Variants in PHF3 observed in about 807,000 individuals in gnomAD.
PHF3 encodes the protein PHD finger protein 3.
In PHF3, 41 loss-of-function variants were observed where a neutral mutation model predicts 178.4. That is an observed-to-expected ratio of 0.23 (90% CI 0.18 to 0.30). The LOEUF (loss-of-function observed/expected upper bound fraction) is 0.30. PHF3 is among the 10% of genes least tolerant of loss of function. The pLI, the probability that PHF3 is intolerant of heterozygous loss-of-function variation, is 1.00. For synonymous variants in PHF3, 842 were observed against 800.5 expected (o/e 1.05, Z -0.88); for missense variants, 2,346 against 2,398.1 (o/e 0.98, Z 0.45).
chr6:63,692,679 T>TA (rs1313592459), intron 5 of PHF3, among the ~76,000 whole-genome samples: 2 of 152,236 alleles, frequency 1.3e-5, no homozygotes, highest in African/African-American at 2.4e-5. Context: ...ACATGAATCT[T>TA]AGAGTTGGAG....
Position 63,720,505 on chromosome 6 carries a change from CAGTT to C in PHF3, c.*6798_*6801del. On this transcript the variant is annotated 3_prime_UTR_variant, in exon 16 of 16. Coordinates refer to ENST00000262043, the MANE Select transcript of PHF3 (RefSeq NM_001370348.2). ...AGACTATTTCAGGTAATATAGTAAA[CAGTT>C]GATTCCCCGTAAGCAATGTATCAAA... 1 of 897,820 alleles carries C rather than the reference CAGTT, an allele frequency of 1.1e-6. No homozygotes were observed. The highest frequency in any genetic ancestry group is 1.6e-6 in the Non-Finnish European group (1 of 613,398). 55.6% of individuals were successfully genotyped at this position (897,820 alleles called of 1,614,324 possible).
At chr6:63,699,153 T>C (rs1450412760) in intron 8 of PHF3, among the ~76,000 whole-genome samples, 1 of 152,204 alleles carries the variant, frequency 6.6e-6, no homozygotes, top group East Asian at 1.9e-4. Context: ...TTTCATGTTT[T>C]GGACAGAGGA....
Position 63,711,826 on chromosome 6 carries a change from C to T in PHF3, c.4238C>T (p.Pro1413Leu). The T allele has an allele frequency of 6.2e-7, 1 of 1,613,958 alleles. No individual in the cohort carries two copies. Among genetic ancestry groups the T allele is most frequent in the Non-Finnish European group, 8.5e-7 (1 of 1,179,910 alleles). Residue 1413 changes from proline (P) to leucine (L), a missense_variant, in exon 16 of 16, where the codon CCT becomes CTT. Transcript: ENST00000262043. ...TTVLHKQRNKPQQNLQEDLPT... is the reference protein window; with the variant it reads ...TTVLHKQRNKLQQNLQEDLPT... Reference sequence around the variant, plus strand: ...GTATTACACAAGCAGAGAAATAAACCTCAGCAGAATCTTCAGGAAGACCTT... The same window carrying T: ...GTATTACACAAGCAGAGAAATAAACTTCAGCAGAATCTTCAGGAAGACCTT...
At chr6:63,682,710 A>C (rs996969082) in intron 3 of PHF3, among the ~76,000 whole-genome samples, 3 of 152,132 alleles carry the variant, frequency 2.0e-5, no homozygotes, top group African/African-American at 4.8e-5. Context: ...AAACTAAGGC[A>C]GGTAATATTT....
chr6:63,720,751 T>C lies in PHF3; in HGVS notation c.*7043T>C. 1.3e-6 allele frequency: 2 copies of C among 1,550,416 alleles called. No individual in the cohort carries two copies. The highest frequency in any genetic ancestry group is 1.7e-6 in the Non-Finnish European group (2 of 1,146,320). Reference sequence around the variant, plus strand: ...TCTTGAGTAACGATATTTACCTTTCTACCATATTCAAAGCCCCCTAGATAA... The same window carrying C: ...TCTTGAGTAACGATATTTACCTTTCCACCATATTCAAAGCCCCCTAGATAA... On this transcript the variant is annotated 3_prime_UTR_variant, in exon 16 of 16. Coordinates refer to ENST00000262043, the MANE Select transcript of PHF3 (RefSeq NM_001370348.2).
Position 63,719,642 on chromosome 6 carries a change from C to CA in PHF3, c.*5936dup, listed in dbSNP as rs569715325. Among the ~76,000 whole-genome samples, 13 of 152,178 alleles carry CA rather than the reference C, an allele frequency of 8.5e-5. No individual in the cohort carries two copies. In the South Asian group the frequency reaches 2.7e-3, roughly 32 times the overall value. On this transcript the variant is annotated 3_prime_UTR_variant, in exon 16 of 16. Transcript: ENST00000262043. ...ATAATATTTTTTCAAGTTATGCTAT[C>CA]AACAGTACTAAATTGTTAGGATAGT...
Position 63,711,175 on chromosome 6 carries a change from TGTG to T in PHF3, c.3813_3815del (p.Val1272del). On this transcript the variant is annotated inframe_deletion, in exon 15 of 16. Coordinates refer to ENST00000262043, the MANE Select transcript of PHF3 (RefSeq NM_001370348.2). ...GTTATTTTCTTGAACAGGAAATTTG[TGTG>T]GTTCGCTTCACACCAGTAACTGAAG... 2 of 1,587,320 alleles carry T rather than the reference TGTG, an allele frequency of 1.3e-6. No homozygotes were observed. The highest frequency in any genetic ancestry group is 1.7e-6 in the Non-Finnish European group (2 of 1,166,594).
intron 2 of PHF3, among the ~76,000 whole-genome samples, chr6:63,664,034 T>A (rs1765577643): frequency 6.6e-6 from 1 of 152,176 alleles, no homozygotes; most frequent in African/African-American, 2.4e-5. Flanking sequence ...TTTTTATGGG[T>A]AACCATGTAC....
At chr6:63,703,103 C>G (rs1440783743) in intron 10 of PHF3, among the ~76,000 whole-genome samples, 1 of 152,188 alleles carries the variant, frequency 6.6e-6, no homozygotes, top group Non-Finnish European at 1.5e-5. Flanking sequence ...GTCTTAAACT[C>G]CTGACCTCAA....
rs1470478934 is a variant in PHF3, at chr6:63,715,750, A to G, written c.*2042A>G. On this transcript the variant is annotated 3_prime_UTR_variant, in exon 16 of 16. Coordinates refer to ENST00000262043, the MANE Select transcript of PHF3 (RefSeq NM_001370348.2). ...CTTGTAACCGCTGATTGACTGAAAC[A>G]TTTTATGGAGAATAGGGAAGGTATG... 6.6e-6 allele frequency among the ~76,000 whole-genome samples: 1 copy of G among 152,058 alleles called. No individual in the cohort carries two copies. Among genetic ancestry groups the G allele is most frequent in the Non-Finnish European group, 1.5e-5 (1 of 68,002 alleles).
intron 4 of PHF3, among the ~76,000 whole-genome samples, chr6:63,686,739 G>A: frequency 6.6e-6 from 1 of 152,172 alleles, no homozygotes; most frequent in East Asian, 1.9e-4. Flanking sequence ...ATGCTGATAT[G>A]ATAAAAGAAC....
intron 2 of PHF3, among the ~76,000 whole-genome samples, chr6:63,661,896 A>C (rs1352525885): frequency 6.6e-6 from 1 of 152,094 alleles, no homozygotes; most frequent in Non-Finnish European, 1.5e-5. Context: ...CTTGTTGTAG[A>C]GCAGGGGTCC....
rs373163320 is a variant in PHF3, at chr6:63,684,741, G to A, written c.1019G>A (p.Gly340Glu). 8 of 1,613,702 alleles carry A rather than the reference G, an allele frequency of 5.0e-6. No individual in the cohort carries two copies. The highest frequency in any genetic ancestry group is 5.1e-6 in the Non-Finnish European group (6 of 1,179,804). ...HEDDHILEDA[G>E]SSDISSDAAC... Reference sequence around the variant, plus strand: ...GATGACCATATTCTTGAGGACGCTGGATCTTCTGATATTTCTAGTGATGCT... The same window carrying A: ...GATGACCATATTCTTGAGGACGCTGAATCTTCTGATATTTCTAGTGATGCT... The change falls in exon 4 of 16, where the codon GGA (glycine) becomes GAA (glutamate). Residue 340 changes from glycine to glutamate, a missense_variant. Transcript: ENST00000262043.
At chr6:63,664,674 G>A (rs1292909678) in intron 2 of PHF3, among the ~76,000 whole-genome samples, 2 of 151,948 alleles carry the variant, frequency 1.3e-5, no homozygotes, top group African/African-American at 2.4e-5. Context: ...GAACTTACTT[G>A]GAATGCATTA....
At position 63,698,151 on chromosome 6, in the gene PHF3, TA is replaced by T. The variant is rs1767312891; in HGVS notation, c.2681-69del. 4.8e-6 allele frequency: 6 copies of T among 1,259,642 alleles called. No individual in the cohort carries two copies. The Admixed American group carries it at 1.2e-4, about 26-fold the overall frequency. The allele number at this position is 1,259,642 out of a possible 1,614,324, so 78.0% of individuals were successfully genotyped here. On this transcript the variant is annotated intron_variant, in intron 6 of 15. Coordinates refer to ENST00000262043, the MANE Select transcript of PHF3 (RefSeq NM_001370348.2). Reference sequence around the variant, plus strand: ...AGTGACTTTTAATCAGTTTTGTTTGTAAACTTATTCATTAAAAAGGAAAGAT... The same window carrying T: ...AGTGACTTTTAATCAGTTTTGTTTGTAACTTATTCATTAAAAAGGAAAGAT...
intron 13 of PHF3, among the ~76,000 whole-genome samples, chr6:63,707,972 T>A (rs1261764567): frequency 6.6e-6 from 1 of 152,104 alleles, no homozygotes; most frequent in East Asian, 1.9e-4. Flanking sequence ...GTTCAACCAT[T>A]CTCCTGTCTC....
In PHF3 at chr6:63,717,466, T is replaced by A. The variant is rs1475572553; in HGVS notation, c.*3758T>A. Among the ~76,000 whole-genome samples the A allele has an allele frequency of 6.6e-6, 1 of 152,056 alleles. No homozygotes were observed. Among genetic ancestry groups the A allele is most frequent in the Non-Finnish European group, 1.5e-5 (1 of 67,970 alleles). ...TCTTAAAGCAAATTGCAAATAAAATTGGTTACTGCTTTTAAAAAGGTGCCA... is the reference window on the plus strand; with the variant it reads ...TCTTAAAGCAAATTGCAAATAAAATAGGTTACTGCTTTTAAAAAGGTGCCA... On this transcript the variant is annotated 3_prime_UTR_variant, in exon 16 of 16. Coordinates refer to ENST00000262043, the MANE Select transcript of PHF3 (RefSeq NM_001370348.2).
Position 63,685,858 on chromosome 6 carries a change from T to C in PHF3, c.2136T>C (p.Tyr712=), listed in dbSNP as rs368846266. The change falls in exon 4 of 16, where the codon TAT becomes TAC. Residue 712 remains tyrosine, a synonymous_variant. Coordinates refer to ENST00000262043, the MANE Select transcript of PHF3 (RefSeq NM_001370348.2). ...ATAGCTCCTCATTTGAAAGCAAATA[T>C]ATGTGGACTCCCAGCAAGCAGTGTG... ...SDHSSSFESK[Y]MWTPSKQCGF... The C allele has an allele frequency of 3.3e-4, 532 of 1,613,462 alleles. 11 individuals are homozygous for C. The South Asian group carries it at 5.5e-3, about 17-fold the overall frequency.
chr6:63,708,408 C>T (rs1000948861), intron 13 of PHF3, among the ~76,000 whole-genome samples: 4 of 151,866 alleles, frequency 2.6e-5, no homozygotes, highest in Non-Finnish European at 2.9e-5. Context: ...TTTTCCCCTC[C>T]GAGACACAGT....
Sources: allele counts gnomAD v4.1 joint callset (sites outside exome capture counted in the v4.1 genomes callset), GRCh38; gene constraint gnomAD v4.1.1; transcripts MANE v1.5; gene names NCBI Gene and HGNC (gene_info 2026-07-23, HGNC 2026-07-21).